The following FBXO16 variants were observed in gnomAD, a reference collection of about 807,000 sequenced individuals.
The protein encoded by FBXO16 is F-box protein 16.
FBXO16 carries 31 observed loss-of-function variants against 41.0 expected under a neutral mutation model. That is an observed-to-expected ratio of 0.76 (90% confidence interval 0.57 to 1.02). The LOEUF (loss-of-function observed/expected upper bound fraction) is 1.02. Among genes scored for constraint, FBXO16 ranks in the 50% least tolerant of loss-of-function variants. FBXO16 has a pLI of 0.00. For synonymous variants in FBXO16, 133 were observed against 117.8 expected (o/e 1.13, Z -0.84); for missense variants, 361 against 346.2 (o/e 1.04, Z -0.34).
chr8:28,482,309 T>C (rs1803526961), intron 2 of FBXO16, among the ~76,000 whole-genome samples: 1 of 152,084 alleles, frequency 6.6e-6, no homozygotes, highest in African/African-American at 2.4e-5. Context: ...GAGGAACTGG[T>C]GTGTAGGAGC....
At chr8:28,466,231 AAAAACAAAAC>A (rs137921679) in intron 3 of FBXO16, among the ~76,000 whole-genome samples, 2 of 152,066 alleles carry the variant, frequency 1.3e-5, no homozygotes, top group African/African-American at 4.8e-5. Context: ...CTCCATCTGA[AAAAACAAAAC>A]AAAACAAAAC....
chr8:28,443,159 C>T (rs1323027739), intron 7 of FBXO16, among the ~76,000 whole-genome samples: 2 of 152,014 alleles, frequency 1.3e-5, no homozygotes, highest in Non-Finnish European at 2.9e-5. Context: ...GCTGGAACTA[C>T]AGGTGCATGC....
chr8:28,445,922 C>T (rs1361814754), intron 7 of FBXO16, among the ~76,000 whole-genome samples: 1 of 152,140 alleles, frequency 6.6e-6, no homozygotes, highest in African/African-American at 2.4e-5. Flanking sequence ...CATCTCTTTT[C>T]TAAATCCTTA....
chr8:28,460,414 A>G (rs1190366369), intron 4 of FBXO16, among the ~76,000 whole-genome samples: 1 of 124,514 alleles, frequency 8.0e-6, no homozygotes, highest in Non-Finnish European at 1.6e-5. Flanking sequence ...CATGCGCTAT[A>G]CCTGGCTAAT....
intron 3 of FBXO16, among the ~76,000 whole-genome samples, chr8:28,469,401 C>T (rs773089701): frequency 9.2e-5 from 14 of 152,056 alleles, no homozygotes; most frequent in Non-Finnish European, 1.8e-4. Context: ...GCATGATCAT[C>T]GTGCACTACA....
rs1802614347 is a variant in FBXO16, at chr8:28,432,126, GGA to G, written c.844-2725_844-2724del. Among the ~76,000 whole-genome samples the G allele has an allele frequency of 2.6e-5, 3 of 115,640 alleles. No homozygotes were observed. The Admixed American group carries it at 3.1e-4, about 12-fold the overall frequency. The allele number at this position is 115,640 out of a possible 152,430, so 75.9% of individuals were successfully genotyped here. A position where few individuals can be genotyped will look rare whatever the true frequency, so the allele number is the denominator to read the frequency against. ...ACTATATATGTGAGAGGCTATGTAT[GGA>G]GTGTGTGTGTGTGTGTGTGTGTGTG... On this transcript the variant is annotated intron_variant, in intron 7 of 8. Coordinates refer to ENST00000380254, the MANE Select transcript of FBXO16 (RefSeq NM_172366.4).
At chr8:28,465,477 T>C (rs1260313773) in intron 3 of FBXO16, 3 of 442,632 alleles carry the variant, frequency 6.8e-6, no homozygotes, top group Non-Finnish European at 1.4e-5. Flanking sequence ...TAGCTGGGTA[T>C]GGTGGTGTAC....
intron 3 of FBXO16, chr8:28,465,302 G>A: frequency 2.5e-6 from 1 of 402,586 alleles, no homozygotes. Flanking sequence ...GAGGTTGGTT[G>A]GCTTCAGGGG....
Position 28,428,819 on chromosome 8 carries a change from T to C in FBXO16, c.870-83A>G, listed in dbSNP as rs1345863821. On this transcript the variant is annotated intron_variant, in intron 8 of 8. Coordinates refer to ENST00000380254, the MANE Select transcript of FBXO16 (RefSeq NM_172366.4). ...CTAGTTAAACTTATTTTTAATGACA[T>C]AAAACGATTTTACAAAATTATAGGG... 4.3e-6 allele frequency: 6 copies of C among 1,404,778 alleles called. No homozygotes were observed. In the African/African-American group the frequency reaches 8.9e-5, roughly 21 times the overall value. 87.0% of individuals were successfully genotyped at this position (1,404,778 alleles called of 1,614,324 possible). A position where few individuals can be genotyped will look rare whatever the true frequency, so the allele number is the denominator to read the frequency against.
intron 7 of FBXO16, among the ~76,000 whole-genome samples, chr8:28,441,563 C>T (rs923326471): frequency 5.3e-5 from 8 of 151,952 alleles, no homozygotes; most frequent in African/African-American, 1.4e-4. Flanking sequence ...TGGCGAAATC[C>T]TGTCTCTACT....
At chr8:28,470,868 T>C (rs777406491) in intron 3 of FBXO16, among the ~76,000 whole-genome samples, 15 of 152,216 alleles carry the variant, frequency 9.9e-5, no homozygotes, top group Non-Finnish European at 1.6e-4. Flanking sequence ...TGCAAAACAG[T>C]TTTCCTTGTT....
In FBXO16 at chr8:28,473,820, A is replaced by G; in HGVS notation, c.100-13T>C. ...TTTCTTCAAATACCTACAGTAAGTAAAAAAGAATATGGTAATTTCATATAC... is the reference window on the plus strand; with the variant it reads ...TTTCTTCAAATACCTACAGTAAGTAGAAAAGAATATGGTAATTTCATATAC... On this transcript the variant is annotated splice_polypyrimidine_tract_variant and intron_variant, in intron 2 of 8. Transcript: ENST00000380254. The G allele has an allele frequency of 6.3e-7, 1 of 1,589,632 alleles. No individual in the cohort carries two copies. Among genetic ancestry groups the G allele is most frequent in the South Asian group, 1.1e-5 (1 of 88,344 alleles).
At chr8:28,460,223 GTGTATATATA>G (rs1166742172) in intron 4 of FBXO16, among the ~76,000 whole-genome samples, 3 of 89,792 alleles carry the variant, frequency 3.3e-5, no homozygotes, top group African/African-American at 1.7e-4. Flanking sequence ...ATATATGTGT[GTGTATATATA>G]TATATATATA....
chr8:28,431,950 GT>G (rs1554524095), intron 7 of FBXO16, among the ~76,000 whole-genome samples: 1 of 150,740 alleles, frequency 6.6e-6, no homozygotes, highest in East Asian at 1.9e-4. Context: ...CCAGGGTTGT[GT>G]TTTTTTTTCT....
intron 2 of FBXO16, 70 bp from the exon 3 acceptor site, chr8:28,473,877 A>G (rs1803376332): frequency 4.4e-6 from 5 of 1,138,960 alleles, no homozygotes; most frequent in Non-Finnish European, 6.5e-6. Context: ...CAAGAAAGAT[A>G]CCATTAAGGG....
At position 28,472,258 on chromosome 8, in the gene FBXO16, AT is replaced by A. The variant is rs958551201; in HGVS notation, c.135+1513del. Among the ~76,000 whole-genome samples, 4 of 151,938 alleles carry A rather than the reference AT, an allele frequency of 2.6e-5. No individual in the cohort carries two copies. In the East Asian group the frequency reaches 5.8e-4, roughly 22 times the overall value. On this transcript the variant is annotated intron_variant, in intron 3 of 8. Coordinates refer to ENST00000380254, the MANE Select transcript of FBXO16 (RefSeq NM_172366.4). ...AGGAAAGCACCACCATGCCTGGCTA[AT>A]TTTTTTAATTATTATTTTTGTAGAT... is the stretch of plus-strand genomic sequence containing the variant.
chr8:28,477,590 T>C (rs941916135), intron 2 of FBXO16, among the ~76,000 whole-genome samples: 15 of 152,214 alleles, frequency 9.9e-5, no homozygotes, highest in Non-Finnish European at 1.9e-4. Context: ...ATGTATAATA[T>C]ACGATACATA....
At chr8:28,487,390 AG>A (rs1234690985) in intron 1 of FBXO16, among the ~76,000 whole-genome samples, 1 of 142,600 alleles carries the variant, frequency 7.0e-6, no homozygotes, top group East Asian at 2.1e-4. Context: ...TTAAGAAGAC[AG>A]ATTTTTTTTT....
chr8:28,430,177 A>C (rs1802586084), intron 7 of FBXO16, among the ~76,000 whole-genome samples: 1 of 152,154 alleles, frequency 6.6e-6, no homozygotes, highest in African/African-American at 2.4e-5. Context: ...GGTTCAAGCA[A>C]TCCTCCCACC....
Sources: allele counts gnomAD v4.1 joint callset (sites outside exome capture counted in the v4.1 genomes callset), GRCh38; gene constraint gnomAD v4.1.1; transcripts MANE v1.5; gene names NCBI Gene and HGNC (gene_info 2026-07-23, HGNC 2026-07-21).